RBFOX1: variants seen among roughly 807,000 people sequenced by gnomAD.
The protein encoded by RBFOX1 is RNA binding fox-1 homolog 1, also known as RNA binding protein fox-1 homolog 1.
RBFOX1 carries 8 observed loss-of-function variants against 57.7 expected under a neutral mutation model. The observed-to-expected ratio is 0.14, with a 90% CI of 0.08 to 0.25. The LOEUF is 0.25. Ranked by LOEUF, RBFOX1 falls within the 10% of genes least tolerant of loss-of-function variation. The probability of loss-of-function intolerance (pLI) is 1.00; values close to 1 mark genes in which losing one functional copy is unlikely to be tolerated. For synonymous variants in RBFOX1, 326 were observed against 222.4 expected, an observed-to-expected ratio of 1.47 and a Z score of -4.15; for missense variants, 611 against 548.5, an observed-to-expected ratio of 1.11 and a Z score of -1.14.
intron 4 of RBFOX1, among the ~76,000 whole-genome samples, chr16:7,369,839 C>G (rs991611435): frequency 5.9e-5 from 9 of 152,322 alleles, no homozygotes; most frequent in Non-Finnish European, 5.9e-5. Flanking sequence ...CAAGTACTAT[C>G]AATTTCATTA....
chr16:5,842,450 G>C (rs139632499), intron 3 of RBFOX1, among the ~76,000 whole-genome samples: 1 of 152,144 alleles, frequency 6.6e-6, no homozygotes, highest in African/African-American at 2.4e-5. Flanking sequence ...TCATTCATTT[G>C]TAGGCAAGCA....
intron 3 of RBFOX1, among the ~76,000 whole-genome samples, chr16:5,752,165 G>T (rs2053231638): frequency 6.6e-6 from 1 of 152,198 alleles, no homozygotes; most frequent in East Asian, 1.9e-4. Flanking sequence ...GCAAACTGGT[G>T]TAGGAACAGA....
At chr16:7,618,000 G>C (rs1211118366) in intron 10 of RBFOX1, among the ~76,000 whole-genome samples, 1 of 100,060 alleles carries the variant, frequency 1.0e-5, no homozygotes, top group Non-Finnish European at 2.4e-5. Flanking sequence ...AATCCATTGA[G>C]AAAACTTAAA....
intron 2 of RBFOX1, among the ~76,000 whole-genome samples, chr16:6,532,423 C>T (rs1304187497): frequency 6.6e-6 from 1 of 152,148 alleles, no homozygotes; most frequent in Non-Finnish European, 1.5e-5. Flanking sequence ...CCTCAGAGAC[C>T]ATTACTGTTT....
At chr16:6,243,092 T>C (rs1038606438) in intron 1 of RBFOX1, among the ~76,000 whole-genome samples, 5 of 152,050 alleles carry the variant, frequency 3.3e-5, no homozygotes, top group African/African-American at 1.2e-4. Flanking sequence ...AAGAGTCTTA[T>C]GATATTCTTA....
At chr16:5,700,304 G>C (rs1227552162) in intron 3 of RBFOX1, among the ~76,000 whole-genome samples, 2 of 143,860 alleles carry the variant, frequency 1.4e-5, no homozygotes, top group African/African-American at 5.1e-5. Flanking sequence ...TTTTTTTTTT[G>C]GCAAGGGTTA....
intron 4 of RBFOX1, among the ~76,000 whole-genome samples, chr16:7,170,145 C>G (rs917073460): frequency 2.0e-5 from 3 of 152,268 alleles, no homozygotes; most frequent in African/African-American, 7.2e-5. Context: ...ATGTTTTGCA[C>G]AGACAGAACT....
At chr16:7,234,668 A>G (rs1382648875) in intron 4 of RBFOX1, among the ~76,000 whole-genome samples, 3 of 126,020 alleles carry the variant, frequency 2.4e-5, no homozygotes, top group East Asian at 2.6e-4. Flanking sequence ...GTATATATGT[A>G]TACATATTTT....
intron 3 of RBFOX1, among the ~76,000 whole-genome samples, chr16:6,821,830 C>T (rs900642041): frequency 4.6e-5 from 7 of 152,128 alleles, no homozygotes; most frequent in African/African-American, 1.2e-4. Flanking sequence ...CTGTTATGAA[C>T]ATGAAGGTGC....
At chr16:6,984,385 C>T (rs1190329451) in intron 3 of RBFOX1, among the ~76,000 whole-genome samples, 2 of 152,154 alleles carry the variant, frequency 1.3e-5, no homozygotes, top group Non-Finnish European at 2.9e-5. Flanking sequence ...CATCCTACAG[C>T]ACTACTGAGC....
intron 3 of RBFOX1, among the ~76,000 whole-genome samples, chr16:5,863,174 G>A (rs561606376): frequency 6.6e-6 from 1 of 152,330 alleles, no homozygotes; most frequent in African/African-American, 2.4e-5. Flanking sequence ...TAGCACAAGT[G>A]AGAAGGAAAC....
intron 3 of RBFOX1, among the ~76,000 whole-genome samples, chr16:6,910,281 T>C (rs981843327): frequency 6.6e-6 from 1 of 152,166 alleles, no homozygotes; most frequent in Non-Finnish European, 1.5e-5. Context: ...TCCAGAATCG[T>C]GTAGGGAGTT....
intron 2 of RBFOX1, among the ~76,000 whole-genome samples, chr16:5,505,723 C>T (rs1597336687): frequency 6.6e-6 from 1 of 152,100 alleles, no homozygotes; most frequent in Non-Finnish European, 1.5e-5. Flanking sequence ...GTCCAGGAAG[C>T]GGGAGAGGGA....
At chr16:5,853,008 C>T (rs1567626302) in intron 3 of RBFOX1, among the ~76,000 whole-genome samples, 1 of 152,060 alleles carries the variant, frequency 6.6e-6, no homozygotes, top group South Asian at 2.1e-4. Flanking sequence ...CACTGCAGGT[C>T]CCTTGGTTAC....
chr16:5,411,570 C>T (rs1358157057), intron 1 of RBFOX1, among the ~76,000 whole-genome samples: 1 of 152,160 alleles, frequency 6.6e-6, no homozygotes, highest in African/African-American at 2.4e-5. Flanking sequence ...TGTTTGAAGA[C>T]ACTAAGTTTG....
chr16:6,463,562 T>G (rs1216325025), intron 2 of RBFOX1, among the ~76,000 whole-genome samples: 1 of 152,028 alleles, frequency 6.6e-6, no homozygotes, highest in Non-Finnish European at 1.5e-5. Flanking sequence ...TGACCCAAGC[T>G]GATGCAAGCA....
chr16:6,628,774 G>A (rs2098343342), intron 2 of RBFOX1, among the ~76,000 whole-genome samples: 2 of 152,194 alleles, frequency 1.3e-5, no homozygotes, highest in South Asian at 2.1e-4. Context: ...TGAAGATATA[G>A]AACTGTCATT....
intron 3 of RBFOX1, among the ~76,000 whole-genome samples, chr16:6,683,587 G>A (rs1349029977): frequency 1.3e-5 from 2 of 152,086 alleles, no homozygotes; most frequent in East Asian, 1.9e-4. Flanking sequence ...GTGTATACAT[G>A]TGTGTGTGTA....
intron 3 of RBFOX1, among the ~76,000 whole-genome samples, chr16:7,027,060 C>CT (rs368343723): frequency 2.0e-4 from 31 of 152,248 alleles, no homozygotes; most frequent in African/African-American, 7.2e-4. Context: ...AGGACCCTTG[C>CT]TGAGATAGTC....
Sources: gnomAD v4.1 joint callset for allele counts (sites outside exome capture counted in the v4.1 genomes callset) on GRCh38, gnomAD v4.1.1 for gene constraint, MANE v1.5 for transcripts, NCBI Gene and HGNC (gene_info 2026-07-23, HGNC 2026-07-21) for gene names.